Variants in COPG2 observed in about 807,000 individuals in gnomAD.
The protein encoded by COPG2 is coat protein complex I subunit gamma 2, also known as coatomer subunit gamma-2.
In COPG2, 37 loss-of-function variants were observed where a neutral mutation model predicts 46.3. That is an observed-to-expected ratio of 0.80 (90% CI 0.61 to 1.05). The LOEUF (loss-of-function observed/expected upper bound fraction) is 1.05. Ranked by LOEUF, COPG2 falls within the 50% of genes least tolerant of loss-of-function variation. The pLI is 0.00. For missense variants in COPG2, 427 were observed against 387.8 expected, an observed-to-expected ratio of 1.10 and a Z score of -0.85; for synonymous variants, 159 against 129.7, an observed-to-expected ratio of 1.23 and a Z score of -1.53.
At chr7:130,553,945 A>C (rs981466549) in intron 14 of COPG2, among the ~76,000 whole-genome samples, 2 of 152,190 alleles carry the variant, frequency 1.3e-5, no homozygotes, top group African/African-American at 2.4e-5. Context: ...ATTTTCAATA[A>C]AATTACTTGA....
chr7:130,519,559 A>G (rs1799708642), intron 20 of COPG2, among the ~76,000 whole-genome samples: 1 of 152,228 alleles, frequency 6.6e-6, no homozygotes. Context: ...TGCTGGAGAA[A>G]ATGTAAGGAG....
chr7:130,668,664 A>T lies in COPG2; in HGVS notation c.5T>A (p.Ile2Asn), dbSNP rs782321982. The change falls in exon 1 of 24, where the codon ATT (isoleucine) becomes AAT (asparagine). Residue 2 changes from isoleucine (I) to asparagine (N), a missense_variant. By Grantham distance (149) the Ile-to-Asn change is moderately radical (BLOSUM62 -3). Transcript: ENST00000425248. M[I>N]KKFDKKDEES... The stretch of plus-strand genomic sequence containing the variant: ...CTCGTCCTTCTTGTCGAATTTTTTA[A>T]TCATCTTGGACGACTTCCCAGCGCC... 7 of 1,542,450 alleles carry T rather than the reference A, an allele frequency of 4.5e-6. No homozygotes were observed. The South Asian group carries it at 8.5e-5, about 19-fold the overall frequency.
intron 20 of COPG2, among the ~76,000 whole-genome samples, chr7:130,522,915 C>T (rs960775836): frequency 6.6e-6 from 1 of 150,958 alleles, no homozygotes; most frequent in Non-Finnish European, 1.5e-5. Context: ...GTCAGGAGTT[C>T]GAGACCAGCC....
At chr7:130,519,847 CAGA>C (rs1166692119) in intron 20 of COPG2, among the ~76,000 whole-genome samples, 3 of 152,114 alleles carry the variant, frequency 2.0e-5, no homozygotes, top group Non-Finnish European at 4.4e-5. Flanking sequence ...TGTCAGATTG[CAGA>C]AGAACTGTAT....
intron 5 of COPG2, among the ~76,000 whole-genome samples, chr7:130,632,764 C>CT (rs1795255529): frequency 6.6e-6 from 1 of 151,912 alleles, no homozygotes; most frequent in South Asian, 2.1e-4. Flanking sequence ...TATTATTATA[C>CT]TTTAAGTTCT....
intron 20 of COPG2, among the ~76,000 whole-genome samples, chr7:130,520,175 G>T (rs1175908398): frequency 2.0e-5 from 3 of 152,156 alleles, no homozygotes; most frequent in Admixed American, 6.5e-5. Flanking sequence ...TAAATGATTT[G>T]TAGAATATTT....
intron 20 of COPG2, among the ~76,000 whole-genome samples, chr7:130,537,780 G>A (rs955722722): frequency 1.3e-5 from 2 of 152,224 alleles, no homozygotes; most frequent in Non-Finnish European, 2.9e-5. Context: ...CAAAAGGGGC[G>A]AAGTGTTTGA....
At chr7:130,536,684 T>A (rs1483409238) in intron 20 of COPG2, among the ~76,000 whole-genome samples, 1 of 152,062 alleles carries the variant, frequency 6.6e-6, no homozygotes, top group Non-Finnish European at 1.5e-5. Context: ...GTCAAGACTG[T>A]CAGGTGTGGG....
At chr7:130,658,193 G>C (rs1795894295) in intron 4 of COPG2, among the ~76,000 whole-genome samples, 1 of 152,008 alleles carries the variant, frequency 6.6e-6, no homozygotes, top group African/African-American at 2.4e-5. Flanking sequence ...CCATTCAATG[G>C]AATACGACGA....
chr7:130,634,071 TG>T (rs1167158557), intron 5 of COPG2, among the ~76,000 whole-genome samples: 1 of 152,214 alleles, frequency 6.6e-6, no homozygotes, highest in South Asian at 2.1e-4. Flanking sequence ...TCTTTTCCGT[TG>T]GTCTATGTAT....
rs1305799161 is a variant in COPG2 at position 130,603,916 on chromosome 7, A to G, written c.737+7037T>C. The G allele has an allele frequency of 5.4e-5, 27 of 503,090 alleles. 1 individual carries two copies. In the Admixed American group the frequency reaches 5.5e-4, roughly 10 times the overall value. 31.2% of individuals were successfully genotyped at this position (503,090 alleles called of 1,614,324 possible). A position where few individuals can be genotyped will look rare whatever the true frequency, so the allele number is the denominator to read the frequency against. On this transcript the variant is annotated intron_variant, in intron 9 of 23. Transcript: ENST00000425248. Reference sequence around the variant, plus strand: ...ATTAATCATCTTGTTGATAACAAAAATAGTTCATTAACACGTTTTATGTTA... The same window carrying G: ...ATTAATCATCTTGTTGATAACAAAAGTAGTTCATTAACACGTTTTATGTTA...
Position 130,662,987 on chromosome 7 carries a change from G to A in COPG2, c.223C>T (p.Arg75Ter). The A allele has an allele frequency of 5.8e-6, 9 of 1,548,140 alleles. No homozygotes were observed. Among genetic ancestry groups the A allele is most frequent in the Admixed American group, 2.0e-5 (1 of 48,956 alleles). The change falls in exon 4 of 24, where the codon CGA becomes TGA. Residue 75 changes from arginine to a stop codon, truncating the protein, a stop_gained. Transcript: ENST00000425248. LOFTEE classifies it high-confidence loss of function. ...CTTACATCATTAGATTGAAACAATCGCGTCATTGCAAAGAAGGCTTCTGTA... is the reference window on the plus strand; with the variant it reads ...CTTACATCATTAGATTGAAACAATCACGTCATTGCAAAGAAGGCTTCTGTA... ...EATEAFFAMT[R>*]LFQSNDQTLR...
rs536616421 is a variant in COPG2 at position 130,659,923 on chromosome 7, AAAG to A, written c.243+3041_243+3043del. ...CAAAAACAACAACAACAACATTGCA[AAAG>A]AAGAAGATGTTATTTTTATATTTTA... On this transcript the variant is annotated intron_variant, in intron 4 of 23. Transcript: ENST00000425248. 8.7e-3 allele frequency among the ~76,000 whole-genome samples: 1,320 copies of A among 152,320 alleles called. 10 individuals carry two copies. The highest frequency in any genetic ancestry group is 0.012 in the Non-Finnish European group (811 of 68,028).
chr7:130,512,512 G>C (rs1554441163), intron 20 of COPG2, among the ~76,000 whole-genome samples: 1 of 152,022 alleles, frequency 6.6e-6, no homozygotes, highest in African/African-American at 2.4e-5. Flanking sequence ...GGGTGCAGTG[G>C]CTCACACTTG....
intron 20 of COPG2, among the ~76,000 whole-genome samples, chr7:130,523,617 A>C (rs962747123): frequency 0.017 from 2,547 of 152,282 alleles, 63 homozygotes; most frequent in African/African-American, 0.058. Context: ...GATGTAGCTG[A>C]AAAGGCAATG....
chr7:130,588,100 C>G (rs1794318316), intron 9 of COPG2, among the ~76,000 whole-genome samples: 1 of 151,228 alleles, frequency 6.6e-6, no homozygotes, highest in South Asian at 2.1e-4. Context: ...AATGAGATAC[C>G]ATCTCACAAC....
chr7:130,656,310 T>C (rs1795852312), intron 4 of COPG2, among the ~76,000 whole-genome samples: 1 of 151,846 alleles, frequency 6.6e-6, no homozygotes, highest in South Asian at 2.1e-4. Flanking sequence ...ATCAATAAAG[T>C]TTATAAATCC....
intron 5 of COPG2, among the ~76,000 whole-genome samples, chr7:130,625,489 T>C (rs1429975518): frequency 6.6e-6 from 1 of 152,024 alleles, no homozygotes; most frequent in Non-Finnish European, 1.5e-5. Flanking sequence ...TTAGTGGAAA[T>C]GCCTCTAGTG....
At chr7:130,531,520 G>C (rs1799824884) in intron 20 of COPG2, among the ~76,000 whole-genome samples, 1 of 151,932 alleles carries the variant, frequency 6.6e-6, no homozygotes, top group South Asian at 2.1e-4. Context: ...CAGAGTACCT[G>C]AGAGTCCTAT....
Sources: gnomAD v4.1 joint callset for allele counts (sites outside exome capture counted in the v4.1 genomes callset) on GRCh38, gnomAD v4.1.1 for gene constraint, MANE v1.5 for transcripts, NCBI Gene and HGNC (gene_info 2026-07-23, HGNC 2026-07-21) for gene names.